Variants in MVP observed in about 807,000 individuals in gnomAD.
MVP encodes lung resistance-related protein.
MVP carries 62 observed loss-of-function variants against 83.5 expected under a neutral mutation model. The observed-to-expected ratio is 0.74, with a 90% confidence interval of 0.61 to 0.92. MVP has a LOEUF of 0.92. Ranked by LOEUF, MVP falls within the 40% of genes least tolerant of loss-of-function variation. The pLI, the probability that MVP is intolerant of heterozygous loss-of-function variation, is 0.00. For missense variants in MVP, 1,000 were observed against 1,203.4 expected (o/e 0.83, Z 2.50); for synonymous variants, 505 against 504.1 (o/e 1.00, Z -0.02).
chr16:29,833,064 CAAA>C (rs200615920), intron 3 of MVP, among the ~76,000 whole-genome samples: 6 of 87,376 alleles, frequency 6.9e-5, no homozygotes, highest in South Asian at 6.8e-4. Context: ...GACTCTGTCT[CAAA>C]AAAAAAAAAA....
At chr16:29,825,884 C>T (rs1481260311) in intron 1 of MVP, 2 of 152,494 alleles carry the variant, frequency 1.3e-5, no homozygotes, top group African/African-American at 4.8e-5. Context: ...AGAGCCCTGT[C>T]CATACCTCCG....
Position 29,841,643 on chromosome 16 carries a change from C to T in MVP, c.1239C>T (p.Val413=). The T allele has an allele frequency of 6.2e-6, 10 of 1,612,346 alleles. No homozygotes were observed. The highest frequency in any genetic ancestry group is 8.5e-6 in the Non-Finnish European group (10 of 1,179,542). ...GSTYMLTQDE[V]LWEKELPPGV... is the part of the protein sequence containing the mutation. ...CCTACATGCTGACCCAGGACGAAGTCCTGTGGGAGAAAGAGCTGCCTCCCG... is the reference window on the plus strand; with the variant it reads ...CCTACATGCTGACCCAGGACGAAGTTCTGTGGGAGAAAGAGCTGCCTCCCG... Residue 413 remains valine, a synonymous_variant, in exon 9 of 15, where the codon GTC becomes GTT. Transcript: ENST00000357402. The surrounding 1 kb of genome is among the most constrained non-coding windows in gnomAD (Gnocchi z 4.7).
Position 29,835,946 on chromosome 16 carries a change from T to G in MVP, c.672+148T>G. The stretch of plus-strand genomic sequence containing the variant: ...AAATTCAGAGATCAGATTGCCTGAG[T>G]ATTCTGGATCATCTGAAGGGTTAAA... On this transcript the variant is annotated intron_variant, in intron 6 of 14. Coordinates refer to ENST00000357402, the MANE Select transcript of MVP (RefSeq NM_005115.5). 4.4e-6 allele frequency: 3 copies of G among 678,180 alleles called. No homozygotes were observed. The Admixed American group carries it at 7.0e-5, about 16-fold the overall frequency. The allele number at this position is 678,180 out of a possible 1,614,324, so 42.0% of individuals were successfully genotyped here. A position where few individuals can be genotyped will look rare whatever the true frequency, so the allele number is the denominator to read the frequency against.
intron 1 of MVP, among the ~76,000 whole-genome samples, chr16:29,822,087 G>GTTT (rs201002535): frequency 1.4e-5 from 2 of 138,460 alleles, no homozygotes; most frequent in African/African-American, 2.6e-5. Context: ...TTGGGGTTTT[G>GTTT]TTTTTTTTTT....
chr16:29,846,889 A>G lies in MVP; in HGVS notation c.2266-308A>G, dbSNP rs115882931. Among the ~76,000 whole-genome samples the G allele has an allele frequency of 6.8e-3, 1,042 of 152,146 alleles. 17 individuals are homozygous for G. The highest frequency in any genetic ancestry group is 0.024 in the African/African-American group (982 of 41,510). On this transcript the variant is annotated intron_variant, in intron 13 of 14. Coordinates refer to ENST00000357402, the MANE Select transcript of MVP (RefSeq NM_005115.5). ...AAATAAAGTAAATAAAAATAAATGT[A>G]AAAAGAGGCCTAGTGTGGTGCCTCA...
intron 3 of MVP, among the ~76,000 whole-genome samples, chr16:29,831,487 C>A (rs1291931296): frequency 1.3e-5 from 2 of 152,102 alleles, no homozygotes; most frequent in African/African-American, 4.8e-5. Context: ...CAAACCAGGG[C>A]AGTGGGAGGG....
chr16:29,842,800 G>A (rs2067545823), intron 10 of MVP, among the ~76,000 whole-genome samples: 1 of 152,214 alleles, frequency 6.6e-6, no homozygotes, highest in East Asian at 1.9e-4. Context: ...TCCAGGGAAG[G>A]CGTGGGCTCA....
At chr16:29,839,063 T>C (rs556523189) in intron 7 of MVP, among the ~76,000 whole-genome samples, 166 of 152,056 alleles carry the variant, frequency 1.1e-3, no homozygotes, top group Non-Finnish European at 1.9e-3. Flanking sequence ...CGGGTGCCTG[T>C]AATCCCAGCT....
In MVP at chr16:29,844,747, A is replaced by G. The variant is rs758265842; in HGVS notation, c.1889A>G (p.Gln630Arg). The change falls in exon 11 of 15, where the codon CAA (glutamine) becomes CGA (arginine). Residue 630 changes from glutamine to arginine, a missense_variant. By Grantham distance (43) the Gln-to-Arg change is conservative. Transcript: ENST00000357402. The part of the protein sequence containing the change: ...PRPRDQAVFP[Q>R]NGLVVSSVDV... ...CCCCGGGACCAGGCTGTCTTCCCCCAAAACGGGCTGGTGGTCAGCAGTGTG... is the reference window on the plus strand; with the variant it reads ...CCCCGGGACCAGGCTGTCTTCCCCCGAAACGGGCTGGTGGTCAGCAGTGTG... 1.9e-6 allele frequency: 3 copies of G among 1,612,608 alleles called. No individual in the cohort carries two copies. Among genetic ancestry groups the G allele is most frequent in the Non-Finnish European group, 8.5e-7 (1 of 1,179,976 alleles).
Position 29,835,714 on chromosome 16 carries a change from G to C in MVP, c.588G>C (p.Trp196Cys), listed in dbSNP as rs2067480887. The change falls in exon 6 of 15, where the codon TGG becomes TGC. Residue 196 changes from tryptophan (W) to cysteine (C), a missense_variant. Transcript: ENST00000357402. ...DGKERVTGEE[W>C]LVTTVGAYLP... ...CCACTCTTGGCCCAGGGGAAGAATG[G>C]CTGGTCACCACAGTAGGGGCGTACC... is the stretch of plus-strand genomic sequence containing the variant. 1 of 1,613,712 alleles carries C rather than the reference G, an allele frequency of 6.2e-7. No homozygotes were observed. The highest frequency in any genetic ancestry group is 1.1e-5 in the South Asian group (1 of 91,050).
At chr16:29,834,422 C>T (rs2150754462) in intron 5 of MVP, 1 of 300,234 alleles carries the variant, frequency 3.3e-6, no homozygotes, top group Admixed American at 4.6e-5. Context: ...ACCTGTCATC[C>T]CAGCACTTTG....
In MVP at chr16:29,846,258, A is replaced by C. The variant is rs764658273; in HGVS notation, c.2239A>C (p.Lys747Gln). The change falls in exon 13 of 15, where the codon AAA (lysine) becomes CAA (glutamine). Residue 747 changes from lysine (K) to glutamine (Q), a missense_variant. By Grantham distance (53) the Lys-to-Gln change is moderately conservative. Coordinates refer to ENST00000357402, the MANE Select transcript of MVP (RefSeq NM_005115.5). ...AGGGTCCGTGCTGCAGGCCAAGCTAAAAGCACAGGCCTTGGCCATTGAAAC... is the reference window on the plus strand; with the variant it reads ...AGGGTCCGTGCTGCAGGCCAAGCTACAAGCACAGGCCTTGGCCATTGAAAC... ...GEGSVLQAKL[K>Q]AQALAIETEA... The C allele has an allele frequency of 6.4e-7, 1 of 1,572,792 alleles. No homozygotes were observed. The highest frequency in any genetic ancestry group is 2.3e-5 in the East Asian group (1 of 42,584).
chr16:29,835,995 A>C (rs563772715), intron 6 of MVP, among the ~76,000 whole-genome samples, 197 bp downstream of exon 6: 1 of 152,054 alleles, frequency 6.6e-6, no homozygotes, highest in Non-Finnish European at 1.5e-5. Flanking sequence ...GCTGGGCGCA[A>C]TGACTCACAT....
At chr16:29,826,661 G>C (rs537562612) in intron 1 of MVP, among the ~76,000 whole-genome samples, 2 of 147,500 alleles carry the variant, frequency 1.4e-5, no homozygotes, top group African/African-American at 5.0e-5. Flanking sequence ...GGTGGCTCAC[G>C]CCTGTAATCC....
chr16:29,833,539 A>T, intron 3 of MVP, 194 bp from the exon 4 acceptor site: 1 of 420,758 alleles, frequency 2.4e-6, no homozygotes, highest in Non-Finnish European at 4.1e-6. Flanking sequence ...TGAATGTCTG[A>T]GGTCAAGCAA....
chr16:29,828,484 ATCC>A (rs1162817983), intron 1 of MVP, among the ~76,000 whole-genome samples: 1 of 152,082 alleles, frequency 6.6e-6, no homozygotes, highest in African/African-American at 2.4e-5. Flanking sequence ...GGTTCGAGCA[ATCC>A]TCCTGTCTCA....
At chr16:29,836,178 G>C (rs533282913) in intron 6 of MVP, among the ~76,000 whole-genome samples, 3 of 149,852 alleles carry the variant, frequency 2.0e-5, no homozygotes, top group African/African-American at 7.4e-5. Flanking sequence ...TGAGGCAGGA[G>C]AATCGCTTGA....
rs760347959 is a variant in MVP, at chr16:29,844,596, C to T, written c.1738C>T (p.Arg580Trp). ...DACKAIASRV[R>W]GAVASVTFDD... ...CTGCAAAGCCATCGCATCCCGGGTG[C>T]GGGGGGCCGTGGCCTCTGTCACTTT... Residue 580 changes from arginine (R) to tryptophan (W), a missense_variant, in exon 11 of 15, where the codon CGG (arginine) becomes TGG (tryptophan). By Grantham distance (101) the Arg-to-Trp change is moderately radical (BLOSUM62 -3). Transcript: ENST00000357402. 3.7e-6 allele frequency: 6 copies of T among 1,613,116 alleles called. No individual in the cohort carries two copies. Among genetic ancestry groups the T allele is most frequent in the African/African-American group, 1.3e-5 (1 of 75,052 alleles).
rs1051103054 is a variant in MVP, at chr16:29,841,169, C to A, written c.1192-427C>A. ...CACATCTCCAACCTTCTCTAAGAAT[C>A]CAAGCTGGAAGTCCAGCTTGGAATC... On this transcript the variant is annotated intron_variant, in intron 8 of 14. Transcript: ENST00000357402. The surrounding 1 kb of genome is among the most constrained non-coding windows in gnomAD (Gnocchi z 4.7). Among the ~76,000 whole-genome samples the A allele has an allele frequency of 2.0e-5, 3 of 152,216 alleles. No homozygotes were observed. Among genetic ancestry groups the A allele is most frequent in the Non-Finnish European group, 2.9e-5 (2 of 68,008 alleles).
Sources: gnomAD v4.1 joint callset for allele counts (sites outside exome capture counted in the v4.1 genomes callset) on GRCh38, gnomAD v4.1.1 for gene constraint, Gnocchi (gnomAD v3.1) non-coding constraint, MANE v1.5 for transcripts, NCBI Gene and HGNC (gene_info 2026-07-23, HGNC 2026-07-21) for gene names.